Variants in SPATA6L observed in about 807,000 individuals in gnomAD.
SPATA6L encodes spermatogenesis associated 6-like protein.
SPATA6L carries 68 observed loss-of-function variants against 49.2 expected under a neutral mutation model. That is an observed-to-expected ratio of 1.38 (90% CI 1.14 to 1.69). The LOEUF is 1.69. SPATA6L is among the 40% of genes most tolerant of loss of function. SPATA6L has a pLI of 0.00. For missense variants in SPATA6L, 668 were observed against 464.3 expected, an observed-to-expected ratio of 1.44 and a Z score of -4.03; for synonymous variants, 198 against 165.7, an observed-to-expected ratio of 1.19 and a Z score of -1.50.
chr9:4,632,982 G>T (rs1344473675), intron 4 of SPATA6L: 1 of 152,208 alleles, frequency 6.6e-6, no homozygotes, highest in African/African-American at 2.4e-5. Context: ...TACATTAACT[G>T]TTACTTGGTT....
intron 3 of SPATA6L, among the ~76,000 whole-genome samples, chr9:4,650,739 C>T (rs1261488427): frequency 6.6e-6 from 1 of 152,008 alleles, no homozygotes; most frequent in Non-Finnish European, 1.5e-5. Context: ...AGTTCACTGC[C>T]ACCTCTGCCA....
chr9:4,657,190 T>C (rs1357489278), intron 2 of SPATA6L, among the ~76,000 whole-genome samples: 1 of 135,852 alleles, frequency 7.4e-6, no homozygotes, highest in Non-Finnish European at 1.6e-5. Context: ...AAAGTTCTGA[T>C]TTAAATGGTA....
intron 9 of SPATA6L, among the ~76,000 whole-genome samples, chr9:4,609,262 T>C (rs1054528979): frequency 4.1e-4 from 62 of 150,718 alleles, no homozygotes; most frequent in African/African-American, 1.4e-3. Context: ...TTCCAATCAA[T>C]AGAAAAAGAG....
chr9:4,616,678 C>G (rs375097339), intron 9 of SPATA6L, among the ~76,000 whole-genome samples: 2 of 152,178 alleles, frequency 1.3e-5, no homozygotes, highest in Non-Finnish European at 2.9e-5. Flanking sequence ...CTCCGCCTCC[C>G]GGGTTCAAGC....
At chr9:4,614,255 T>C (rs1564159168) in intron 9 of SPATA6L, among the ~76,000 whole-genome samples, 1 of 152,182 alleles carries the variant, frequency 6.6e-6, no homozygotes, top group South Asian at 2.1e-4. Flanking sequence ...AGTACTCCCA[T>C]TGTTCACTCT....
intron 6 of SPATA6L, among the ~76,000 whole-genome samples, chr9:4,624,639 A>T (rs746282009): frequency 7.2e-5 from 11 of 151,964 alleles, no homozygotes; most frequent in Admixed American, 1.3e-4. Flanking sequence ...GAGGCAGGAG[A>T]ATCACTAGAA....
chr9:4,635,491 A>G (rs756490792), intron 3 of SPATA6L, 92 bp from the exon 4 acceptor site: 65 of 1,297,144 alleles, frequency 5.0e-5, no homozygotes, highest in Admixed American at 2.0e-4. Flanking sequence ...CAGAGATGGC[A>G]CTCAGGTAAA....
At chr9:4,656,908 C>A (rs1285283253) in intron 2 of SPATA6L, among the ~76,000 whole-genome samples, 1 of 151,104 alleles carries the variant, frequency 6.6e-6, no homozygotes, top group African/African-American at 2.5e-5. Context: ...CTATGCGTAA[C>A]ACAAAACAAA....
At chr9:4,656,941 G>T (rs1449624540) in intron 2 of SPATA6L, among the ~76,000 whole-genome samples, 1 of 150,960 alleles carries the variant, frequency 6.6e-6, no homozygotes, top group Non-Finnish European at 1.5e-5. Context: ...GCAACTAGCA[G>T]CTACACTCCC....
downstream of SPATA6L, among the ~76,000 whole-genome samples, chr9:4,593,866 C>A (rs1033380723): frequency 1.3e-5 from 2 of 152,208 alleles, no homozygotes; most frequent in African/African-American, 4.8e-5. Context: ...GGTCTCATCT[C>A]TCCCTGTGCC....
intron 9 of SPATA6L, among the ~76,000 whole-genome samples, chr9:4,616,551 T>G (rs530661665): frequency 6.6e-6 from 1 of 152,236 alleles, no homozygotes; most frequent in Non-Finnish European, 1.5e-5. Flanking sequence ...AGTGTGTCTC[T>G]GACCACTTGT....
intron 1 of SPATA6L, 95 bp downstream of exon 1, chr9:4,666,117 T>C (rs1840822648): frequency 7.6e-6 from 8 of 1,050,444 alleles, no homozygotes; most frequent in Non-Finnish European, 1.0e-5. Flanking sequence ...GTGTTTGTGG[T>C]AAGTGGGGGA....
In SPATA6L at chr9:4,598,961, T is replaced by C. The variant is rs367892730; in HGVS notation, c.*1850A>G. 9.8e-5 allele frequency among the ~76,000 whole-genome samples: 15 copies of C among 152,364 alleles called. No individual in the cohort carries two copies. The highest frequency in any genetic ancestry group is 3.6e-4 in the African/African-American group (15 of 41,584). On this transcript the variant is annotated 3_prime_UTR_variant, in exon 12 of 12. Coordinates refer to ENST00000682582, the MANE Select transcript of SPATA6L (RefSeq NM_001353486.2). ...TTCAGTGCTTGGGACTGACCAGAAG[T>C]ATTTTAAACTTGGGTTTTGGTTTTT...
chr9:4,613,071 A>C (rs1459104944), intron 9 of SPATA6L, among the ~76,000 whole-genome samples: 1 of 151,964 alleles, frequency 6.6e-6, no homozygotes, highest in Non-Finnish European at 1.5e-5. Context: ...CTACTAAAAT[A>C]CAAAAAATTA....
intron 1 of SPATA6L, chr9:4,663,108 G>A (rs752356978): frequency 5.0e-6 from 8 of 1,614,078 alleles, no homozygotes; most frequent in African/African-American, 1.3e-5. Context: ...GTGGGCCTTC[G>A]TCTTGGGCCT....
chr9:4,606,210 C>T (rs1272195691), intron 9 of SPATA6L, among the ~76,000 whole-genome samples: 24 of 149,600 alleles, frequency 1.6e-4, no homozygotes, highest in African/African-American at 3.4e-4. Context: ...AAGGCGGCAG[C>T]GAGGCTGGGG....
At chr9:4,645,940 A>C (rs1475531746) in intron 3 of SPATA6L, among the ~76,000 whole-genome samples, 1 of 152,234 alleles carries the variant, frequency 6.6e-6, no homozygotes, top group Non-Finnish European at 1.5e-5. Context: ...TGAACATACG[A>C]AAACCAACTG....
chr9:4,605,403 G>A lies in SPATA6L; in HGVS notation c.1033C>T (p.His345Tyr). The A allele has an allele frequency of 6.2e-7, 1 of 1,614,128 alleles. No homozygotes were observed. The highest frequency in any genetic ancestry group is 1.1e-5 in the South Asian group (1 of 91,078). The change falls in exon 10 of 12, where the codon CAT (histidine) becomes TAT (tyrosine). Residue 345 changes from histidine to tyrosine, a missense_variant. His to Tyr is a moderately conservative substitution (Grantham distance 83). Coordinates refer to ENST00000682582, the MANE Select transcript of SPATA6L (RefSeq NM_001353486.2). ...PGSQSTWKNI[H>Y]ERVCSLLTSH... ...GTCAGAAGACTGCATACCCTCTCATGGATATTCTTCCATGTGGACTGAGAA... is the reference window on the plus strand; with the variant it reads ...GTCAGAAGACTGCATACCCTCTCATAGATATTCTTCCATGTGGACTGAGAA...
rs1822865764 is a variant in SPATA6L at position 4,600,180 on chromosome 9, G to C, written c.*631C>G. Among the ~76,000 whole-genome samples the C allele has an allele frequency of 1.3e-5, 2 of 152,098 alleles. No homozygotes were observed. The highest frequency in any genetic ancestry group is 6.5e-5 in the Admixed American group (1 of 15,268). On this transcript the variant is annotated 3_prime_UTR_variant, in exon 12 of 12. Transcript: ENST00000682582. ...GGAACGAAGGAGTAGGAAACAGAAGGAGCAGTTTAAACTACGCTCCAGAGG... is the reference window on the plus strand; with the variant it reads ...GGAACGAAGGAGTAGGAAACAGAAGCAGCAGTTTAAACTACGCTCCAGAGG...
Sources: gnomAD v4.1 joint callset for allele counts (sites outside exome capture counted in the v4.1 genomes callset) on GRCh38, gnomAD v4.1.1 for gene constraint, MANE v1.5 for transcripts, NCBI Gene and HGNC (gene_info 2026-07-23, HGNC 2026-07-21) for gene names.